Variants in AGTPBP1 observed in about 807,000 individuals in gnomAD.
AGTPBP1 encodes the protein cytosolic carboxypeptidase 1.
Under a neutral mutation model 143.9 loss-of-function variants are expected in AGTPBP1, and 70 were observed. The observed-to-expected ratio is 0.49, with a 90% CI of 0.40 to 0.59. The LOEUF (loss-of-function observed/expected upper bound fraction) is 0.59. Ranked by LOEUF, AGTPBP1 falls within the 20% of genes least tolerant of loss-of-function variation. The probability of loss-of-function intolerance (pLI) is 0.00; values close to 1 mark genes in which losing one functional copy is unlikely to be tolerated. For synonymous variants in AGTPBP1, 463 were observed against 500.2 expected (o/e 0.93, Z 0.99); for missense variants, 1,229 against 1,464.5 (o/e 0.84, Z 2.62).
intron 23 of AGTPBP1, among the ~76,000 whole-genome samples, chr9:85,579,812 TACTAGATAGTC>T (rs1828134797): frequency 6.7e-6 from 1 of 150,090 alleles, no homozygotes; most frequent in Non-Finnish European, 1.5e-5. Context: ...ATATTGGCAC[TACTAGATAGTC>T]ACTAAGAAAA....
At chr9:85,628,135 A>AT (rs1437956320) in intron 14 of AGTPBP1, among the ~76,000 whole-genome samples, 1 of 152,176 alleles carries the variant, frequency 6.6e-6, no homozygotes, top group Non-Finnish European at 1.5e-5. Flanking sequence ...AAAATACTTT[A>AT]TTTTTTGTAG....
intron 17 of AGTPBP1, among the ~76,000 whole-genome samples, chr9:85,607,736 C>A (rs1301277439): frequency 6.6e-6 from 1 of 152,032 alleles, no homozygotes; most frequent in East Asian, 1.9e-4. Flanking sequence ...TGTTTTAGGT[C>A]ATAATCATTA....
intron 14 of AGTPBP1, among the ~76,000 whole-genome samples, chr9:85,630,890 G>A (rs995363400): frequency 6.6e-6 from 1 of 152,144 alleles, no homozygotes; most frequent in South Asian, 2.1e-4. Context: ...TGAGCCCCTG[G>A]TAATCATTCT....
At chr9:85,567,996 C>A (rs1431362777) in intron 25 of AGTPBP1, among the ~76,000 whole-genome samples, 3 of 152,036 alleles carry the variant, frequency 2.0e-5, no homozygotes, top group Non-Finnish European at 2.9e-5. Flanking sequence ...GAAACTGAAC[C>A]AGATTGAGGA....
rs1283729046 is a variant in AGTPBP1 at position 85,575,303 on chromosome 9, AT to A, written c.3503+11del. The A allele has an allele frequency of 6.4e-7, 1 of 1,565,484 alleles. No homozygotes were observed. Among genetic ancestry groups the A allele is most frequent in the East Asian group, 2.3e-5 (1 of 43,776 alleles). On this transcript the variant is annotated intron_variant, in intron 25 of 25. Transcript: ENST00000357081. The stretch of plus-strand genomic sequence containing the variant: ...CTACAATATAATAAAAGAAAAAACA[AT>A]TTTTTCCTACCTAGTTACTTTGCAG...
chr9:85,583,022 G>A (rs992317799), intron 23 of AGTPBP1, among the ~76,000 whole-genome samples: 8 of 152,128 alleles, frequency 5.3e-5, no homozygotes, highest in Admixed American at 4.6e-4. Flanking sequence ...AGGGAAAGGG[G>A]AAGGCAGCGG....
At chr9:85,765,979 G>C in the AGTPBP1 span, among the ~76,000 whole-genome samples, 1 of 152,098 alleles carries the variant, frequency 6.6e-6, no homozygotes, top group Non-Finnish European at 1.5e-5. Context: ...GAGGAACAGA[G>C]AGCCAGGGTG....
chr9:85,757,500 A>G, the AGTPBP1 span, among the ~76,000 whole-genome samples: 2 of 152,118 alleles, frequency 1.3e-5, no homozygotes, highest in Non-Finnish European at 2.9e-5. Flanking sequence ...TTACAAAAAA[A>G]GAAAAGATGG....
At position 85,738,220 on chromosome 9, in the gene AGTPBP1, C is replaced by T. The variant is rs115487586; in HGVS notation, c.-34+3555G>A. ...AAAGCTTTTTGGGGATCCTCAACAA[C>T]TTTTAACAATGTAAAAGGGTCCTAA... On this transcript the variant is annotated intron_variant, in intron 1 of 25. Transcript: ENST00000357081. Among the ~76,000 whole-genome samples the T allele has an allele frequency of 9.6e-3, 1,453 of 152,114 alleles. 29 individuals are homozygous for T. Among genetic ancestry groups the T allele is most frequent in the African/African-American group, 0.033 (1,360 of 41,498 alleles).
the AGTPBP1 span, among the ~76,000 whole-genome samples, chr9:85,763,945 C>T: frequency 6.6e-6 from 1 of 152,102 alleles, no homozygotes; most frequent in Non-Finnish European, 1.5e-5. Context: ...TAGTGAACAT[C>T]TCCATAAATC....
intron 1 of AGTPBP1, among the ~76,000 whole-genome samples, chr9:85,718,983 G>A (rs993502801): frequency 4.6e-5 from 7 of 152,022 alleles, no homozygotes; most frequent in Non-Finnish European, 8.8e-5. Context: ...GGTTGCAGAT[G>A]TATGGTGTTA....
At chr9:85,739,568 C>T (rs1199933894) in intron 1 of AGTPBP1, among the ~76,000 whole-genome samples, 2 of 152,006 alleles carry the variant, frequency 1.3e-5, no homozygotes, top group Admixed American at 6.5e-5. Context: ...CTTAGCCGGG[C>T]GTGGTGGTGT....
At chr9:85,729,117 AT>A (rs895819935) in intron 1 of AGTPBP1, among the ~76,000 whole-genome samples, 8 of 152,342 alleles carry the variant, frequency 5.3e-5, no homozygotes, top group Admixed American at 2.0e-4. Context: ...TGGCCAATCG[AT>A]TTTTGACATG....
chr9:85,668,089 C>T (rs28410593), intron 8 of AGTPBP1, among the ~76,000 whole-genome samples: 3 of 151,580 alleles, frequency 2.0e-5, no homozygotes, highest in East Asian at 1.9e-4. Flanking sequence ...CTTTAAAATA[C>T]GCTAGGAAAA....
the AGTPBP1 span, among the ~76,000 whole-genome samples, chr9:85,801,362 T>G: frequency 6.6e-6 from 1 of 152,314 alleles, no homozygotes. Flanking sequence ...ATGTATATAT[T>G]TATGGGGTAT....
rs146737935 is a variant in AGTPBP1 at position 85,594,828 on chromosome 9, G to A, written c.2423+1534C>T. 3.0e-3 allele frequency among the ~76,000 whole-genome samples: 462 copies of A among 152,254 alleles called. 4 individuals carry two copies. The highest frequency in any genetic ancestry group is 3.2e-3 in the Non-Finnish European group (220 of 68,010). Reference sequence around the variant, plus strand: ...CTGCTATGATCATTCATTTTGCAACGTGAAAAAGCATTCATTGATTGACAA... The same window carrying A: ...CTGCTATGATCATTCATTTTGCAACATGAAAAAGCATTCATTGATTGACAA... On this transcript the variant is annotated intron_variant, in intron 18 of 25. Transcript: ENST00000357081.
chr9:85,710,036 G>C (rs1276964079), intron 2 of AGTPBP1, among the ~76,000 whole-genome samples: 2 of 152,036 alleles, frequency 1.3e-5, no homozygotes, highest in Non-Finnish European at 2.9e-5. Context: ...ACCTGTTTAT[G>C]AGTACCTTAT....
intron 3 of AGTPBP1, among the ~76,000 whole-genome samples, chr9:85,691,754 T>C (rs1390788093): frequency 1.3e-5 from 2 of 152,164 alleles, no homozygotes; most frequent in East Asian, 1.9e-4. Flanking sequence ...TTCCCTAAAG[T>C]TTTATTTGAG....
chr9:85,740,126 A>AGAAT (rs1824147631), intron 1 of AGTPBP1, among the ~76,000 whole-genome samples: 2 of 152,276 alleles, frequency 1.3e-5, no homozygotes, highest in Admixed American at 1.3e-4. Context: ...TCTAAAGAGA[A>AGAAT]GAATGCCTCA....
Sources: gnomAD v4.1 joint callset for allele counts (sites outside exome capture counted in the v4.1 genomes callset) on GRCh38, gnomAD v4.1.1 for gene constraint, MANE v1.5 for transcripts, NCBI Gene and HGNC (gene_info 2026-07-23, HGNC 2026-07-21) for gene names.